Variants in SLC4A2 observed in about 807,000 individuals in gnomAD.
SLC4A2 encodes the protein anion exchange protein 2.
Under a neutral mutation model 115.0 loss-of-function variants are expected in SLC4A2, and 36 were observed. The ratio of observed to expected loss-of-function variants is 0.31; its 90% CI spans 0.24 to 0.41. The LOEUF is 0.41. SLC4A2 is among the 10% of genes least tolerant of loss of function. SLC4A2 has a pLI of 1.00. For synonymous variants in SLC4A2, 708 were observed against 708.3 expected (o/e 1.00, Z 0.01); for missense variants, 1,252 against 1,705.6 (o/e 0.73, Z 4.68).
intron 5 of SLC4A2, 117 bp from the exon 6 acceptor site, chr7:151,066,400 G>T: frequency 1.6e-6 from 2 of 1,256,074 alleles, no homozygotes; most frequent in Non-Finnish European, 2.1e-6. Flanking sequence ...CCGGGAGTGG[G>T]AGCTAGGAGG....
rs1352631843 is a variant in SLC4A2 at position 151,069,978 on chromosome 7, C to T, written c.1179C>T (p.Thr393=). 1.2e-6 allele frequency: 2 copies of T among 1,614,038 alleles called. No individual in the cohort carries two copies. The highest frequency in any genetic ancestry group is 1.7e-6 in the Non-Finnish European group (2 of 1,180,022). Residue 393 remains threonine, a synonymous_variant, in exon 9 of 23, where the codon ACC becomes ACT. Transcript: ENST00000413384. ...TGCTCTTGGATCTGGACCAGCAGAC[C>T]CTGCCCGGAGTGGCCCACCAGGTGG... ...GAVLLDLDQQ[T]LPGVAHQVVE... is the part of the protein sequence containing the mutation.
rs1797627369 is a variant in SLC4A2, at chr7:151,076,153, C to T, written c.3612C>T (p.Leu1204=). ...ILTVPLRMVV[L]TRIFTDREMK... ...CAGTGCCGCTCCGCATGGTGGTGCT[C>T]ACCCGTATCTTCACCGACCGAGAGA... The change falls in exon 22 of 23, where the codon CTC becomes CTT. Residue 1204 remains leucine (L), a synonymous_variant. Coordinates refer to ENST00000413384, the MANE Select transcript of SLC4A2 (RefSeq NM_003040.4). The T allele has an allele frequency of 1.9e-6, 3 of 1,610,604 alleles. No homozygotes were observed. Among genetic ancestry groups the T allele is most frequent in the Admixed American group, 3.3e-5 (2 of 59,990 alleles).
chr7:151,076,308 C>CCGGTGTTTGATGAG lies in SLC4A2; in HGVS notation c.3671_3684dup (p.Glu1229CysfsTer53). ...ACAGCTGGATGCTAACGAGGCAGAG[C>CCGGTGTTTGATGAG]CGGTGTTTGATGAGCGGGAGGGTGT... is the stretch of plus-strand genomic sequence containing the variant. On this transcript the variant is annotated frameshift_variant, in exon 23 of 23. Coordinates refer to ENST00000413384, the MANE Select transcript of SLC4A2 (RefSeq NM_003040.4). LOFTEE classifies it high-confidence loss of function. 6.5e-7 allele frequency: 1 copy of CCGGTGTTTGATGAG among 1,549,712 alleles called. No individual in the cohort carries two copies. Among genetic ancestry groups the CCGGTGTTTGATGAG allele is most frequent in the Non-Finnish European group, 8.7e-7 (1 of 1,145,484 alleles).
At chr7:151,062,140 AGTG>A in intron 2 of SLC4A2, 102 bp downstream of exon 2, 3 of 197,478 alleles carry the variant, frequency 1.5e-5, no homozygotes, top group South Asian at 7.1e-5. Flanking sequence ...AGCGTGTGTG[AGTG>A]TGGAGACTGG....
Position 151,064,751 on chromosome 7 carries a change from C to T in SLC4A2, c.443C>T (p.Thr148Ile), listed in dbSNP as rs1169515310. Reference sequence around the variant, plus strand: ...CTCACTCAGCCGTCCCCTGTCTCCACACCCTCCTCGGTGCAGGTGCGCTGG... The same window carrying T: ...CTCACTCAGCCGTCCCCTGTCTCCATACCCTCCTCGGTGCAGGTGCGCTGG... ...RALTQPSPVS[T>I]PSSVQFFLQE... The change falls in exon 4 of 23, where the codon ACA becomes ATA. Residue 148 changes from threonine to isoleucine, a missense_variant. By Grantham distance (89) the Thr-to-Ile change is moderately conservative. This residue lies in a region of SLC4A2 where 215 missense variants were observed against 205.2 expected (regional missense o/e 1.05). Coordinates refer to ENST00000413384, the MANE Select transcript of SLC4A2 (RefSeq NM_003040.4). 1.9e-6 allele frequency: 3 copies of T among 1,609,450 alleles called. No homozygotes were observed. The East Asian group carries it at 6.7e-5, about 36-fold the overall frequency.
Position 151,075,780 on chromosome 7 carries a change from G to A in SLC4A2, c.3471+5G>A. 6.2e-7 allele frequency: 1 copy of A among 1,600,318 alleles called. No individual in the cohort carries two copies. Among genetic ancestry groups the A allele is most frequent in the Non-Finnish European group, 8.6e-7 (1 of 1,169,482 alleles). On this transcript the variant is annotated splice_donor_5th_base_variant and intron_variant, in intron 21 of 22. Coordinates refer to ENST00000413384, the MANE Select transcript of SLC4A2 (RefSeq NM_003040.4). Reference sequence around the variant, plus strand: ...GATGTCACTTACGTCAAGAAGGTGAGCCCCCCAGCTCCCCACCGGAAGGGG... The same window carrying A: ...GATGTCACTTACGTCAAGAAGGTGAACCCCCCAGCTCCCCACCGGAAGGGG...
In SLC4A2 at chr7:151,064,212, A is replaced by G. The variant is rs772590495; in HGVS notation, c.62A>G (p.Glu21Gly). 1 of 1,612,262 alleles carries G rather than the reference A, an allele frequency of 6.2e-7. No individual in the cohort carries two copies. Among genetic ancestry groups the G allele is most frequent in the Non-Finnish European group, 8.5e-7 (1 of 1,179,888 alleles). Residue 21 changes from glutamate (E) to glycine (G), a missense_variant, in exon 3 of 23, where the codon GAG (glutamate) becomes GGG (glycine). Coordinates refer to ENST00000413384, the MANE Select transcript of SLC4A2 (RefSeq NM_003040.4). Reference sequence around the variant, plus strand: ...CCTTCTTCCTCACAGCCAGAGCCAGAGAGCTTGGGCCCTGGGACGCCTGGG... The same window carrying G: ...CCTTCTTCCTCACAGCCAGAGCCAGGGAGCTTGGGCCCTGGGACGCCTGGG... ...GADSFCTPEPESLGPGTPGFP... is the reference protein window; with the variant it reads ...GADSFCTPEPGSLGPGTPGFP...
intron 2 of SLC4A2, chr7:151,062,715 T>C (rs1797093296): frequency 7.0e-7 from 1 of 1,428,664 alleles, no homozygotes; most frequent in Non-Finnish European, 9.1e-7. Flanking sequence ...TCCCTGCGCC[T>C]CTCCCCGTCC....
chr7:151,066,005 G>A (rs61367229), intron 5 of SLC4A2, among the ~76,000 whole-genome samples: 162 of 152,306 alleles, frequency 1.1e-3, no homozygotes, highest in African/African-American at 3.5e-3. Context: ...GCAGGAAGCT[G>A]TCTGCCATCT....
At chr7:151,068,551 G>C (rs1004092329) in intron 8 of SLC4A2, among the ~76,000 whole-genome samples, 3 of 152,010 alleles carry the variant, frequency 2.0e-5, no homozygotes, top group Admixed American at 2.0e-4. Context: ...ACAGGATCTT[G>C]CTCTGTTGCC....
rs1285851574 is a variant in SLC4A2 at position 151,075,467 on chromosome 7, A to G, written c.3260A>G (p.Lys1087Arg). 1 of 1,601,942 alleles carries G rather than the reference A, an allele frequency of 6.2e-7. No homozygotes were observed. The highest frequency in any genetic ancestry group is 8.5e-7 in the Non-Finnish European group (1 of 1,179,914). ...GACAAGCCCAAGATTCAGGAAGTCA[A>G]GGAGCAGCGGGTGACGGGGCTGCTG... The part of the protein sequence containing the change: ...PGDKPKIQEV[K>R]EQRVTGLLVA... Residue 1087 changes from lysine (K) to arginine (R), a missense_variant, in exon 20 of 23, where the codon AAG becomes AGG. Lys to Arg is a conservative substitution (Grantham distance 26). This residue lies in a region of SLC4A2 where 253 missense variants were observed against 407.4 expected (regional missense o/e 0.62). Transcript: ENST00000413384.
At chr7:151,067,741 C>T (rs1307154433) in intron 7 of SLC4A2, 133 bp from the exon 8 acceptor site, 7 of 654,344 alleles carry the variant, frequency 1.1e-5, no homozygotes, top group African/African-American at 3.8e-5. Context: ...GGGACTGGTG[C>T]GCCTGTGCAC....
In SLC4A2 at chr7:151,071,005, C is replaced by T. The variant is rs1797417046; in HGVS notation, c.1750-67C>T. ...CTGCCTCCCACCCACTGGCCTTGCC[C>T]ACCCTCAGCTCCAGGCCCTCAGCCC... On this transcript the variant is annotated intron_variant, in intron 12 of 22. Coordinates refer to ENST00000413384, the MANE Select transcript of SLC4A2 (RefSeq NM_003040.4). This position sits in a 1 kb window ranked among gnomAD's most constrained non-coding sequence, Gnocchi z 5.5. The T allele has an allele frequency of 1.3e-6, 2 of 1,594,334 alleles. No homozygotes were observed. Among genetic ancestry groups the T allele is most frequent in the Admixed American group, 3.4e-5 (2 of 59,632 alleles).
intron 19 of SLC4A2, 100 bp downstream of exon 19, chr7:151,074,941 C>T: frequency 8.1e-7 from 1 of 1,235,106 alleles, no homozygotes; most frequent in Non-Finnish European, 1.1e-6. Context: ...ATCCCAGGGA[C>T]CTCAGGGAAC....
At chr7:151,062,573 G>A in intron 2 of SLC4A2, 2 of 1,460,096 alleles carry the variant, frequency 1.4e-6, no homozygotes, top group African/African-American at 1.4e-5. Flanking sequence ...GCCCAGAGGG[G>A]CACGTGACTG....
At chr7:151,065,897 GACCACGTGGCAGGGCCCTGGCC>G (rs1176548353) in intron 5 of SLC4A2, among the ~76,000 whole-genome samples, 1 of 152,154 alleles carries the variant, frequency 6.6e-6, no homozygotes, top group Non-Finnish European at 1.5e-5. Flanking sequence ...AGAGGGGTAG[GACCACGTGGCAGGGCCCTGGCC>G]ACCCAGTGTG....
In SLC4A2 at chr7:151,069,948, G is replaced by T; in HGVS notation, c.1149G>T (p.Gly383=). 6.2e-7 allele frequency: 1 copy of T among 1,613,852 alleles called. No individual in the cohort carries two copies. The highest frequency in any genetic ancestry group is 8.5e-7 in the Non-Finnish European group (1 of 1,180,010). ...GCCCTCTGTGCCATCTTATGCTAGG[G>T]GCTGTGCTCTTGGATCTGGACCAGC... The part of the protein sequence containing the change: ...LLELRRTLAH[G]AVLLDLDQQT... The change falls in exon 9 of 23, where the codon GGG becomes GGT. Residue 383 remains glycine (G), a splice_region_variant and synonymous_variant. Transcript: ENST00000413384.
At chr7:151,070,427 G>A (rs770610619) in intron 10 of SLC4A2, 30 bp from the exon 11 acceptor site, 2 of 1,611,236 alleles carry the variant, frequency 1.2e-6, no homozygotes, top group Non-Finnish European at 1.7e-6. Context: ...GAGGGGCCTG[G>A]CTGGGCTGAG....
Position 151,071,247 on chromosome 7 carries a change from G to A in SLC4A2, c.1925G>A (p.Arg642Gln), listed in dbSNP as rs751114100. The A allele has an allele frequency of 1.4e-5, 22 of 1,572,270 alleles. No individual in the cohort carries two copies. The highest frequency in any genetic ancestry group is 3.5e-5 in the South Asian group (3 of 86,526). The change falls in exon 13 of 23, where the codon CGG (arginine) becomes CAG (glutamine). Residue 642 changes from arginine (R) to glutamine (Q), a missense_variant. Coordinates refer to ENST00000413384, the MANE Select transcript of SLC4A2 (RefSeq NM_003040.4). This position sits in a 1 kb window ranked among gnomAD's most constrained non-coding sequence, Gnocchi z 5.5. ...QMLKKREEQGRLLPTGAGLEP... is the reference protein window; with the variant it reads ...QMLKKREEQGQLLPTGAGLEP... ...CTCAAGAAGCGAGAGGAGCAGGGCC[G>A]GCTGCTACCTACAGGGGCTGGGCTG...
Sources: gnomAD v4.1 joint callset for allele counts (sites outside exome capture counted in the v4.1 genomes callset) on GRCh38, gnomAD v4.1.1 for gene constraint, gnomAD v4.1.1 regional missense constraint, Gnocchi (gnomAD v3.1) non-coding constraint, MANE v1.5 for transcripts, NCBI Gene and HGNC (gene_info 2026-07-23, HGNC 2026-07-21) for gene names.